CLASP1: variants seen among roughly 807,000 people sequenced by gnomAD.
CLASP1 encodes the protein CLIP-associating protein 1.
CLASP1 carries 38 observed loss-of-function variants against 192.3 expected under a neutral mutation model. The observed-to-expected ratio is 0.20, with a 90% CI of 0.15 to 0.26. The LOEUF is 0.26. CLASP1 is among the 10% of genes least tolerant of loss of function. CLASP1 has a pLI of 1.00. For synonymous variants in CLASP1, 691 were observed against 712.8 expected, an observed-to-expected ratio of 0.97 and a Z score of 0.49; for missense variants, 1,433 against 1,932.5, an observed-to-expected ratio of 0.74 and a Z score of 4.85.
rs899856479 is a variant in CLASP1 at position 121,407,328 on chromosome 2, G to A, written c.2669+143C>T. 8 of 863,910 alleles carry A rather than the reference G, an allele frequency of 9.3e-6. No homozygotes were observed. The African/African-American group carries it at 1.2e-4, about 13-fold the overall frequency. The allele number at this position is 863,910 out of a possible 1,614,324, so 53.5% of individuals were successfully genotyped here. A position where few individuals can be genotyped will look rare whatever the true frequency, so the allele number is the denominator to read the frequency against. ...TGTCTTAGTCATCTTGGTACCTTTA[G>A]TGCCTGTTCCTGCAAGCAGACCTCT... On this transcript the variant is annotated intron_variant, in intron 25 of 39. Transcript: ENST00000263710.
rs1354895447 is a variant in CLASP1, at chr2:121,535,651, A to AT, written c.196-5327dup. Among the ~76,000 whole-genome samples the AT allele has an allele frequency of 7.5e-3, 1,100 of 146,150 alleles. 12 individuals are homozygous for AT. Among genetic ancestry groups the AT allele is most frequent in the African/African-American group, 0.02 (796 of 40,158 alleles). The stretch of plus-strand genomic sequence containing the variant: ...AAAGTAACGGCTGACATTCATTAGA[A>AT]TTTTTTTTTTTTTTGGAGATAGGAT... On this transcript the variant is annotated intron_variant, in intron 2 of 39. Coordinates refer to ENST00000263710, the Ensembl canonical transcript of CLASP1.
intron 34 of CLASP1, among the ~76,000 whole-genome samples, chr2:121,370,232 T>A (rs1253062595): frequency 6.6e-6 from 1 of 152,244 alleles, no homozygotes; most frequent in Non-Finnish European, 1.5e-5. Flanking sequence ...CTTTCACATT[T>A]AACACAGTTT....
chr2:121,507,375 C>T (rs1434290440), intron 7 of CLASP1, among the ~76,000 whole-genome samples: 1 of 152,082 alleles, frequency 6.6e-6, no homozygotes, highest in Non-Finnish European at 1.5e-5. Context: ...GAAGATCAGT[C>T]AAATGATACC....
At chr2:121,623,590 T>A (rs2067774061) in intron 1 of CLASP1, among the ~76,000 whole-genome samples, 1 of 152,148 alleles carries the variant, frequency 6.6e-6, no homozygotes, top group South Asian at 2.1e-4. Context: ...TTTGAAAGAG[T>A]GTGTGGAGAA....
At chr2:121,584,566 G>T (rs563351320) in intron 2 of CLASP1, among the ~76,000 whole-genome samples, 2 of 152,128 alleles carry the variant, frequency 1.3e-5, no homozygotes, top group South Asian at 4.2e-4. Flanking sequence ...ACAAAGAGAT[G>T]ACTGCTTATT....
At position 121,492,681 on chromosome 2, in the gene CLASP1, A is replaced by T. The variant is rs537917459; in HGVS notation, c.712+10486T>A. ...GACTACAATTAAAAAAAATAAAAAA[A>T]AAAAAAAACAAGCATTGCCAGAAAG... On this transcript the variant is annotated intron_variant, in intron 8 of 39. Coordinates refer to ENST00000263710, the Ensembl canonical transcript of CLASP1. Among the ~76,000 whole-genome samples, 52 of 152,066 alleles carry T rather than the reference A, an allele frequency of 3.4e-4. 1 individual carries two copies. In the Middle Eastern group the frequency reaches 0.01, roughly 30 times the overall value.
At chr2:121,429,820 G>A (rs570726517) in intron 20 of CLASP1, among the ~76,000 whole-genome samples, 10 of 152,280 alleles carry the variant, frequency 6.6e-5, no homozygotes, top group East Asian at 1.9e-4. Flanking sequence ...AAAGGAGGGC[G>A]AAAAACTACA....
At chr2:121,512,947 T>C (rs2094181655) in intron 7 of CLASP1, 1 of 152,252 alleles carries the variant, frequency 6.6e-6, no homozygotes, top group South Asian at 2.1e-4. Flanking sequence ...GTAATAGTCC[T>C]ATGGAAGCTT....
intron 23 of CLASP1, among the ~76,000 whole-genome samples, chr2:121,417,060 G>A (rs767978852): frequency 6.6e-5 from 10 of 152,174 alleles, no homozygotes; most frequent in Non-Finnish European, 1.3e-4. Context: ...GCTGATGCTA[G>A]AGCCTGTGAG....
In CLASP1 at chr2:121,469,812, A is replaced by G. The variant is rs1308948762; in HGVS notation, c.861T>C (p.Ser287=). 4 of 1,611,380 alleles carry G rather than the reference A, an allele frequency of 2.5e-6. No individual in the cohort carries two copies. In the South Asian group the frequency reaches 3.3e-5, roughly 13 times the overall value. The change falls in exon 9 of 40, where the codon TCT becomes TCC. Residue 287 remains serine, a synonymous_variant. Coordinates refer to ENST00000263710, the Ensembl canonical transcript of CLASP1. ...CCACACAGGGCTTAGACTAACCTGA[A>G]GACTTGGATCCAAGGGTGGATGAAC...
chr2:121,451,385 C>T (rs2149800905), intron 15 of CLASP1, among the ~76,000 whole-genome samples: 1 of 152,294 alleles, frequency 6.6e-6, no homozygotes, highest in East Asian at 1.9e-4. Context: ...ATCACCTTAA[C>T]ATTAAATAGG....
intron 1 of CLASP1, among the ~76,000 whole-genome samples, chr2:121,634,151 A>G (rs1057071792): frequency 2.0e-5 from 3 of 152,152 alleles, no homozygotes; most frequent in African/African-American, 2.4e-5. Context: ...TTCCCATAGT[A>G]GCACGCTTAA....
intron 2 of CLASP1, among the ~76,000 whole-genome samples, chr2:121,542,148 G>A (rs1296116137): frequency 6.6e-6 from 1 of 152,096 alleles, no homozygotes; most frequent in African/African-American, 2.4e-5. Flanking sequence ...AATATTGTAC[G>A]TAGGTATCAT....
intron 8 of CLASP1, 47 bp from the exon 9 acceptor site, chr2:121,470,007 A>G (rs771737733): frequency 7.7e-7 from 1 of 1,297,616 alleles, no homozygotes; most frequent in South Asian, 1.4e-5. Context: ...AACAAAAACT[A>G]TATATACATA....
Position 121,547,767 on chromosome 2 carries a change from C to G in CLASP1, c.196-17442G>C, listed in dbSNP as rs546384857. On this transcript the variant is annotated intron_variant, in intron 2 of 39. Coordinates refer to ENST00000263710, the Ensembl canonical transcript of CLASP1. ...CAACCAAGCAAGAGTGTACCATGAC[C>G]AGTATGCCTACGTGCCACATACCAG... Among the ~76,000 whole-genome samples the G allele has an allele frequency of 3.9e-5, 6 of 152,200 alleles. No individual in the cohort carries two copies. The East Asian group carries it at 1.2e-3, about 29-fold the overall frequency.
intron 20 of CLASP1, among the ~76,000 whole-genome samples, chr2:121,428,339 C>T (rs2080802959): frequency 6.6e-6 from 1 of 152,224 alleles, no homozygotes; most frequent in Admixed American, 6.5e-5. Flanking sequence ...ATGTAAAATA[C>T]TGTTCAACCC....
chr2:121,367,589 G>A (rs374069974), exon 35 of CLASP1: 22 of 1,613,880 alleles, frequency 1.4e-5, no homozygotes, highest in Middle Eastern at 1.6e-4. Context: ...GACACCAACC[G>A]TCTCGAAGCT....
intron 28 of CLASP1, 43 bp from the exon 30 acceptor site, chr2:121,398,443 T>A (rs2075646904): frequency 7.7e-7 from 1 of 1,298,834 alleles, no homozygotes; most frequent in Non-Finnish European, 1.1e-6. Flanking sequence ...AAGAAATTTA[T>A]TACAAAACAA....
chr2:121,431,402 G>A (rs1295656278), intron 19 of CLASP1, among the ~76,000 whole-genome samples: 2 of 151,896 alleles, frequency 1.3e-5, no homozygotes, highest in Admixed American at 6.6e-5. Context: ...TGAGAAAACC[G>A]AGAAACAGGG....
Sources: gnomAD v4.1 joint callset for allele counts (sites outside exome capture counted in the v4.1 genomes callset) on GRCh38, gnomAD v4.1.1 for gene constraint, MANE v1.5 for transcripts, NCBI Gene and HGNC (gene_info 2026-07-23, HGNC 2026-07-21) for gene names.